Variants in PDE10A observed in about 807,000 individuals in gnomAD.
PDE10A encodes the protein phosphodiesterase 10A, also known as cAMP and cAMP-inhibited cGMP 3',5'-cyclic phosphodiesterase 10A.
Under a neutral mutation model 97.7 loss-of-function variants are expected in PDE10A, and 39 were observed. That is an observed-to-expected ratio of 0.40 (90% confidence interval 0.31 to 0.52). PDE10A has a LOEUF of 0.52. PDE10A is among the 20% of genes least tolerant of loss of function. The pLI, the probability that PDE10A is intolerant of heterozygous loss-of-function variation, is 0.56. For synonymous variants in PDE10A, 371 were observed against 376.8 expected (o/e 0.98, Z 0.18); for missense variants, 731 against 1,047.8 (o/e 0.70, Z 4.17).
intron 1 of PDE10A, among the ~76,000 whole-genome samples, chr6:165,804,881 G>A (rs1465736887): frequency 6.6e-6 from 1 of 151,894 alleles, no homozygotes; most frequent in Non-Finnish European, 1.5e-5. Context: ...GCCAGCGCGC[G>A]GAGGGGAGTG....
intron 1 of PDE10A, among the ~76,000 whole-genome samples, chr6:165,710,140 C>T (rs1582972920): frequency 6.6e-6 from 1 of 152,282 alleles, no homozygotes; most frequent in African/African-American, 2.4e-5. Flanking sequence ...ACAGCGCCGC[C>T]ACTCTGAGAG....
chr6:165,675,304 G>A (rs1223086343), intron 1 of PDE10A, among the ~76,000 whole-genome samples: 1 of 152,018 alleles, frequency 6.6e-6, no homozygotes, highest in African/African-American at 2.4e-5. Context: ...TTTCATCCTT[G>A]GAAAATGTAA....
chr6:165,928,504 A>C (rs935965672), intron 1 of PDE10A, among the ~76,000 whole-genome samples: 1 of 152,164 alleles, frequency 6.6e-6, no homozygotes, highest in Non-Finnish European at 1.5e-5. Flanking sequence ...TCAGCCCCTC[A>C]TGCTCGACTT....
intron 19 of PDE10A, among the ~76,000 whole-genome samples, chr6:165,342,796 G>T (rs1372771376): frequency 1.3e-5 from 2 of 152,166 alleles, no homozygotes; most frequent in Admixed American, 6.5e-5. Flanking sequence ...AATTCCATCA[G>T]CAAATTGAGC....
chr6:165,956,789 G>C (rs1026837787), intron 1 of PDE10A, among the ~76,000 whole-genome samples: 1 of 152,208 alleles, frequency 6.6e-6, no homozygotes, highest in Non-Finnish European at 1.5e-5. Flanking sequence ...TATGGAATCC[G>C]AATCATGTCA....
rs572940046 is a variant in PDE10A at position 165,532,545 on chromosome 6, C to T, written c.994+10895G>A. On this transcript the variant is annotated intron_variant, in intron 2 of 21. Coordinates refer to ENST00000539869, the MANE Select transcript of PDE10A (RefSeq NM_001385079.1). ...GGGGTTTGGAAAGGGTTCCCTGAGA[C>T]ACTAGAATTTAAGCTGTGCCTGGAG... Among the ~76,000 whole-genome samples the T allele has an allele frequency of 5.9e-5, 9 of 152,120 alleles. No individual in the cohort carries two copies. In the South Asian group the frequency reaches 1.0e-3, roughly 18 times the overall value.
At chr6:165,691,589 G>GCACACACACACA (rs771642535) in intron 1 of PDE10A, among the ~76,000 whole-genome samples, 11 of 144,484 alleles carry the variant, frequency 7.6e-5, no homozygotes, top group Admixed American at 5.6e-4. Flanking sequence ...ATGCACGCGC[G>GCACACACACACA]CGCACACACA....
At chr6:165,417,721 A>T (rs1788420131) in intron 11 of PDE10A, among the ~76,000 whole-genome samples, 1 of 152,226 alleles carries the variant, frequency 6.6e-6, no homozygotes. Context: ...ATGGACATGG[A>T]ATACACAGGA....
chr6:165,423,595 C>T (rs1156356554), intron 10 of PDE10A, among the ~76,000 whole-genome samples: 2 of 152,122 alleles, frequency 1.3e-5, no homozygotes, highest in Non-Finnish European at 2.9e-5. Context: ...AGGCCGGGCG[C>T]GGTGGCTGAC....
At chr6:165,978,415 C>G (rs1027296978) in intron 1 of PDE10A, among the ~76,000 whole-genome samples, 2 of 152,196 alleles carry the variant, frequency 1.3e-5, no homozygotes, top group African/African-American at 4.8e-5. Flanking sequence ...GTGGAGAAGT[C>G]TAGCAGAAAT....
intron 1 of PDE10A, among the ~76,000 whole-genome samples, chr6:165,695,049 C>A (rs751235817): frequency 1.3e-5 from 2 of 152,016 alleles, no homozygotes; most frequent in Non-Finnish European, 2.9e-5. Flanking sequence ...CACATTTCCC[C>A]CGGAAGTAAA....
chr6:165,868,048 G>A (rs1364955587), intron 1 of PDE10A, among the ~76,000 whole-genome samples: 1 of 151,968 alleles, frequency 6.6e-6, no homozygotes, highest in Non-Finnish European at 1.5e-5. Flanking sequence ...AAAATTTACA[G>A]CAATAAATGC....
intron 1 of PDE10A, among the ~76,000 whole-genome samples, chr6:165,705,632 C>T (rs1791688369): frequency 6.6e-6 from 1 of 152,142 alleles, no homozygotes; most frequent in Admixed American, 6.5e-5. Context: ...CAAGCTTCAG[C>T]TGGAAAATTA....
intron 1 of PDE10A, among the ~76,000 whole-genome samples, chr6:165,799,679 C>G (rs567465602): frequency 9.9e-5 from 15 of 152,180 alleles, no homozygotes; most frequent in Non-Finnish European, 2.1e-4. Context: ...TAGACACTGT[C>G]TACTTAAACT....
intron 1 of PDE10A, among the ~76,000 whole-genome samples, chr6:165,820,499 T>A (rs977569530): frequency 6.6e-6 from 1 of 152,220 alleles, no homozygotes; most frequent in Non-Finnish European, 1.5e-5. Flanking sequence ...CCTTGAATCT[T>A]CCTGGTTTAT....
chr6:165,542,612 C>CTTTTTTTTTTT lies in PDE10A; in HGVS notation c.994+817_994+827dup, dbSNP rs545149187. Among the ~76,000 whole-genome samples, 25 of 76,456 alleles carry CTTTTTTTTTTT rather than the reference C, an allele frequency of 3.3e-4. 1 individual carries two copies. The highest frequency in any genetic ancestry group is 4.2e-4 in the Non-Finnish European group (16 of 38,224). 50.2% of individuals were successfully genotyped at this position (76,456 alleles called of 152,430 possible). The stretch of plus-strand genomic sequence containing the variant: ...TTTAGGTCAAAAAGATGTCCTTGTT[C>CTTTTTTTTTTT]TTTTTTTTTTTTTTTTTTTTTTTTT... On this transcript the variant is annotated intron_variant, in intron 2 of 21. Coordinates refer to ENST00000539869, the MANE Select transcript of PDE10A (RefSeq NM_001385079.1).
intron 20 of PDE10A, among the ~76,000 whole-genome samples, chr6:165,336,754 T>TC (rs1562359545): frequency 1.6e-5 from 1 of 61,794 alleles, no homozygotes; most frequent in Non-Finnish European, 2.8e-5. Context: ...AGACTCCGTC[T>TC]CAAAAAAAAA....
chr6:165,423,591 G>C (rs780059377), intron 10 of PDE10A, among the ~76,000 whole-genome samples: 1 of 152,158 alleles, frequency 6.6e-6, no homozygotes, highest in Non-Finnish European at 1.5e-5. Flanking sequence ...GATTAGGCCG[G>C]GCGCGGTGGC....
chr6:165,564,995 G>T (rs201939362), intron 1 of PDE10A, among the ~76,000 whole-genome samples: 1 of 152,198 alleles, frequency 6.6e-6, no homozygotes, highest in East Asian at 1.9e-4. Flanking sequence ...GTCTATAAAA[G>T]ATGCAATTTA....
Sources: gnomAD v4.1 joint callset for allele counts (sites outside exome capture counted in the v4.1 genomes callset) on GRCh38, gnomAD v4.1.1 for gene constraint, MANE v1.5 for transcripts, NCBI Gene and HGNC (gene_info 2026-07-23, HGNC 2026-07-21) for gene names.